The following NDOR1 variants were observed in gnomAD, a reference collection of about 807,000 sequenced individuals.
NDOR1 encodes the protein NADPH-dependent diflavin oxidoreductase 1.
In NDOR1, 61 loss-of-function variants were observed where a neutral mutation model predicts 67.2. The ratio of observed to expected loss-of-function variants is 0.91; its 90% CI spans 0.74 to 1.12. The LOEUF is 1.12. NDOR1 is among the 50% of genes most tolerant of loss of function. The probability of loss-of-function intolerance (pLI) is 0.00; values close to 1 mark genes in which losing one functional copy is unlikely to be tolerated. For missense variants in NDOR1, 878 were observed against 802.8 expected (o/e 1.09, Z -1.13); for synonymous variants, 378 against 343.7 (o/e 1.10, Z -1.10).
intron 2 of NDOR1, among the ~76,000 whole-genome samples, chr9:137,211,839 A>T (rs563013726): frequency 7.0e-4 from 106 of 151,212 alleles, no homozygotes; most frequent in Non-Finnish European, 1.0e-3. Context: ...CACACAGGCC[A>T]CCTGGGATCC....
At position 137,216,317 on chromosome 9, in the gene NDOR1, C is replaced by T. The variant is rs750147654; in HGVS notation, c.1695C>T (p.Ser565=). 5.6e-6 allele frequency: 9 copies of T among 1,611,960 alleles called. No homozygotes were observed. The African/African-American group carries it at 6.7e-5, about 12-fold the overall frequency. ...CGGACGTCTCGGAAGCCCTGATGTC[C>T]ATCTTCCAGGAGGAGGGTGGACTCT... ...MPADVSEALM[S]IFQEEGGLCS... The change falls in exon 14 of 14, where the codon TCC becomes TCT. Residue 565 remains serine (S), a synonymous_variant. Coordinates refer to ENST00000684003, the MANE Select transcript of NDOR1 (RefSeq NM_014434.4).
chr9:137,213,846 C>G lies in NDOR1; in HGVS notation c.378C>G (p.Pro126=). Reference sequence around the variant, plus strand: ...AGCTTGGGGGCAGCGCCCTCCTGCCCGTGTGCCTGGGCGATGACCAGCATG... The same window carrying G: ...AGCTTGGGGGCAGCGCCCTCCTGCCGGTGTGCCTGGGCGATGACCAGCATG... The part of the protein sequence containing the change: ...LLQLGGSALL[P]VCLGDDQHEL... Residue 126 remains proline, a synonymous_variant, in exon 4 of 14, where the codon CCC becomes CCG. Transcript: ENST00000684003. 6.2e-7 allele frequency: 1 copy of G among 1,611,370 alleles called. No homozygotes were observed. The highest frequency in any genetic ancestry group is 8.5e-7 in the Non-Finnish European group (1 of 1,179,222).
At position 137,217,639 on chromosome 9, in the gene NDOR1, T is replaced by G; in HGVS notation, c.*1223T>G. 1 of 213,444 alleles carries G rather than the reference T, an allele frequency of 4.7e-6. No individual in the cohort carries two copies. Among genetic ancestry groups the G allele is most frequent in the Non-Finnish European group, 9.2e-6 (1 of 108,428 alleles). The allele number at this position is 213,444 out of a possible 1,614,324, so 13.2% of individuals were successfully genotyped here. On this transcript the variant is annotated 3_prime_UTR_variant, in exon 14 of 14. Coordinates refer to ENST00000684003, the MANE Select transcript of NDOR1 (RefSeq NM_014434.4). ...GGATCCACCCAGAGCAGGCAGGCCT[T>G]GCTGGGGCCCCAGTCAAGTCCACTT...
chr9:137,208,279 G>T (rs535429041), intron 2 of NDOR1, among the ~76,000 whole-genome samples: 38 of 150,698 alleles, frequency 2.5e-4, no homozygotes, highest in African/African-American at 8.5e-4. Context: ...GTGAAACCTC[G>T]TCTCTACTAA....
At chr9:137,207,466 G>T (rs530688608) in intron 2 of NDOR1, among the ~76,000 whole-genome samples, 1 of 152,100 alleles carries the variant, frequency 6.6e-6, no homozygotes, top group East Asian at 1.9e-4. Flanking sequence ...TAGGACTAGC[G>T]CTCCAAGGAA....
At position 137,217,821 on chromosome 9, in the gene NDOR1, C is replaced by T. The variant is rs1835700402; in HGVS notation, c.*1405C>T. On this transcript the variant is annotated 3_prime_UTR_variant, in exon 14 of 14. Transcript: ENST00000684003. The stretch of plus-strand genomic sequence containing the variant: ...ACCACCCCTGAACTGTGCCCTGGGG[C>T]CCCCACCCTCCACCTGGCCGACTCC... The T allele has an allele frequency of 2.5e-6, 1 of 397,626 alleles. No homozygotes were observed. Among genetic ancestry groups the T allele is most frequent in the Non-Finnish European group, 4.4e-6 (1 of 226,092 alleles). The allele number at this position is 397,626 out of a possible 1,614,324, so 24.6% of individuals were successfully genotyped here.
In NDOR1 at chr9:137,214,845, C is replaced by T. The variant is rs755842966; in HGVS notation, c.892C>T (p.Leu298Phe). 4.4e-6 allele frequency: 7 copies of T among 1,609,086 alleles called. No individual in the cohort carries two copies. The highest frequency in any genetic ancestry group is 2.7e-5 in the African/African-American group (2 of 74,948). Residue 298 changes from leucine (L) to phenylalanine (F), a missense_variant, in exon 8 of 14, where the codon CTC becomes TTC. Transcript: ENST00000684003. Reference protein sequence around the residue: ...RLPQPCSMRHLVSHYLDIASV... With the variant: ...RLPQPCSMRHFVSHYLDIASV... ...GCCCCAGCCCTGCTCCATGCGGCAC[C>T]TCGTGTCCCACTACCTGGACATCGC... is the stretch of plus-strand genomic sequence containing the variant.
intron 5 of NDOR1, 42 bp from the exon 6 acceptor site, chr9:137,214,162 C>T (rs1250669802): frequency 6.4e-6 from 10 of 1,571,398 alleles, no homozygotes; most frequent in Middle Eastern, 3.3e-4. Flanking sequence ...TGGGCGGCCC[C>T]TGGGGAGTGG....
At chr9:137,207,070 A>C (rs1835003123) in intron 2 of NDOR1, among the ~76,000 whole-genome samples, 1 of 152,142 alleles carries the variant, frequency 6.6e-6, no homozygotes, top group Admixed American at 6.5e-5. Context: ...AAAGAGCCTG[A>C]GTAACCACAG....
chr9:137,207,199 A>C (rs1409676140), intron 2 of NDOR1, among the ~76,000 whole-genome samples: 4 of 152,108 alleles, frequency 2.6e-5, no homozygotes, highest in Admixed American at 2.6e-4. Context: ...CATGAGATGC[A>C]CAGGACAGGC....
At chr9:137,208,902 C>T (rs776722115) in intron 2 of NDOR1, among the ~76,000 whole-genome samples, 3 of 151,766 alleles carry the variant, frequency 2.0e-5, no homozygotes, top group Non-Finnish European at 2.9e-5. Flanking sequence ...TGTTTTGAGA[C>T]GGAGTCTCGC....
In NDOR1 at chr9:137,217,901, C is replaced by T. The variant is rs910238524; in HGVS notation, c.*1485C>T. The T allele has an allele frequency of 2.5e-6, 1 of 398,338 alleles. No individual in the cohort carries two copies. Among genetic ancestry groups the T allele is most frequent in the South Asian group, 1.3e-4 (1 of 7,658 alleles). 24.7% of individuals were successfully genotyped at this position (398,338 alleles called of 1,614,324 possible). On this transcript the variant is annotated 3_prime_UTR_variant, in exon 14 of 14. Transcript: ENST00000684003. ...CTCTCTGGGCCCTGAGTGCCTGGAC[C>T]CTCTGTGCCAAGCACCAGCAAGCAA...
intron 2 of NDOR1, among the ~76,000 whole-genome samples, chr9:137,208,368 G>A (rs1007882619): frequency 2.7e-5 from 4 of 150,850 alleles, no homozygotes; most frequent in African/African-American, 4.9e-5. Context: ...GGAGAATGGC[G>A]TGAACCCGGG....
Position 137,205,786 on chromosome 9 carries a change from C to A in NDOR1, c.9C>A (p.Ser3Arg). The A allele has an allele frequency of 6.2e-7, 1 of 1,604,182 alleles. No homozygotes were observed. MP[S>R]PQLLVLFGSQ... ...CCACCGGGCGCACCCCGATGCCGAG[C>A]CCGCAGCTTCTGGTGCTCTTCGGCA... Residue 3 changes from serine (S) to arginine (R), a missense_variant, in exon 1 of 14, where the codon AGC (serine) becomes AGA (arginine). Transcript: ENST00000684003.
At position 137,216,667 on chromosome 9, in the gene NDOR1, C is replaced by T. The variant is rs1219344090; in HGVS notation, c.*251C>T. The T allele has an allele frequency of 5.5e-6, 3 of 547,150 alleles. No homozygotes were observed. The highest frequency in any genetic ancestry group is 3.2e-5 in the East Asian group (1 of 31,332). The allele number at this position is 547,150 out of a possible 1,614,324, so 33.9% of individuals were successfully genotyped here. ...CCCTGACAGTGAGCTGTGTCCTCGT[C>T]CCCCCACCCCCTTCCCAGTCAAGGT... On this transcript the variant is annotated 3_prime_UTR_variant, in exon 14 of 14. Coordinates refer to ENST00000684003, the MANE Select transcript of NDOR1 (RefSeq NM_014434.4).
rs1482972650 is a variant in NDOR1, at chr9:137,210,232, C to T, written c.214-2270C>T. Among the ~76,000 whole-genome samples the T allele has an allele frequency of 1.3e-5, 2 of 152,102 alleles. 1 individual carries two copies. The highest frequency in any genetic ancestry group is 4.8e-5 in the African/African-American group (2 of 41,426). Reference sequence around the variant, plus strand: ...TTTTTCTCTTTCTCTTTTTCTTTTTCTTTCTGGAGACAGAGCTCTTGCTCT... The same window carrying T: ...TTTTTCTCTTTCTCTTTTTCTTTTTTTTTCTGGAGACAGAGCTCTTGCTCT... On this transcript the variant is annotated intron_variant, in intron 2 of 13. Coordinates refer to ENST00000684003, the MANE Select transcript of NDOR1 (RefSeq NM_014434.4).
Position 137,213,769 on chromosome 9 carries a change from T to C in NDOR1, c.312-11T>C, listed in dbSNP as rs769818388. 1.2e-6 allele frequency: 2 copies of C among 1,611,860 alleles called. No homozygotes were observed. Among genetic ancestry groups the C allele is most frequent in the Non-Finnish European group, 1.7e-6 (2 of 1,179,310 alleles). On this transcript the variant is annotated splice_polypyrimidine_tract_variant and intron_variant, in intron 3 of 13. Coordinates refer to ENST00000684003, the MANE Select transcript of NDOR1 (RefSeq NM_014434.4). ...GGCTCCAGCCCAGGACCAGCCTCAC[T>C]GTCTCCACAGGTTCAACTTCGTGGC... is the stretch of plus-strand genomic sequence containing the variant.
chr9:137,205,712 G>T lies in NDOR1; in HGVS notation c.-66G>T. The stretch of plus-strand genomic sequence containing the variant: ...GAAGGCGGAAGGCGGAGCGGTCCCT[G>T]CAACCCGGCCGGCGGGAACTGCCTT... On this transcript the variant is annotated 5_prime_UTR_variant, in exon 1 of 14. Coordinates refer to ENST00000684003, the MANE Select transcript of NDOR1 (RefSeq NM_014434.4). 1 of 1,595,648 alleles carries T rather than the reference G, an allele frequency of 6.3e-7. No individual in the cohort carries two copies. The highest frequency in any genetic ancestry group is 1.1e-5 in the South Asian group (1 of 90,936).
chr9:137,218,743 C>T lies in NDOR1; in HGVS notation c.*2327C>T. 2.5e-6 allele frequency: 1 copy of T among 397,320 alleles called. No homozygotes were observed. The highest frequency in any genetic ancestry group is 4.4e-6 in the Non-Finnish European group (1 of 225,686). 24.6% of individuals were successfully genotyped at this position (397,320 alleles called of 1,614,324 possible). A position where few individuals can be genotyped will look rare whatever the true frequency, so the allele number is the denominator to read the frequency against. On this transcript the variant is annotated 3_prime_UTR_variant, in exon 14 of 14. Transcript: ENST00000684003. ...CCAGGGCAGTGGCCTTCAATCAAGA[C>T]CTCCCATTGCTGAACCCACAACCAG...
Sources: gnomAD v4.1 joint callset for allele counts (sites outside exome capture counted in the v4.1 genomes callset) on GRCh38, gnomAD v4.1.1 for gene constraint, MANE v1.5 for transcripts, NCBI Gene and HGNC (gene_info 2026-07-23, HGNC 2026-07-21) for gene names.